The following LUC7L variants were observed in gnomAD, a reference collection of about 807,000 sequenced individuals.
LUC7L encodes the protein putative RNA-binding protein Luc7-like 1.
LUC7L carries 29 observed loss-of-function variants against 51.1 expected under a neutral mutation model. The observed-to-expected ratio is 0.57, with a 90% confidence interval of 0.42 to 0.77. The LOEUF (loss-of-function observed/expected upper bound fraction) is 0.77. Among genes scored for constraint, LUC7L ranks in the 30% least tolerant of loss-of-function variants. The probability of loss-of-function intolerance (pLI) is 0.00; values close to 1 mark genes in which losing one functional copy is unlikely to be tolerated. For synonymous variants in LUC7L, 181 were observed against 180.7 expected, an observed-to-expected ratio of 1.00 and a Z score of -0.01; for missense variants, 403 against 511.9, an observed-to-expected ratio of 0.79 and a Z score of 2.05.
chr16:190,317 T>C (rs925523561), intron 8 of LUC7L, among the ~76,000 whole-genome samples, 182 bp from the exon 9 acceptor site: 3 of 152,022 alleles, frequency 2.0e-5, no homozygotes, highest in African/African-American at 7.2e-5. Context: ...TGAGGTCTCC[T>C]GAAAACATGT....
At chr16:190,375 T>A (rs2048980443) in intron 8 of LUC7L, among the ~76,000 whole-genome samples, 166 bp downstream of exon 8, 1 of 151,914 alleles carries the variant, frequency 6.6e-6, no homozygotes, top group African/African-American at 2.4e-5. Context: ...TCCCTCTCAT[T>A]AACACTGGGA....
chr16:189,451 A>C, intron 9 of LUC7L, 112 bp from the exon 10 acceptor site: 2 of 1,436,696 alleles, frequency 1.4e-6, no homozygotes, highest in Non-Finnish European at 1.8e-6. Flanking sequence ...TACATCCCCT[A>C]TACCTGGAAA....
intron 2 of LUC7L, among the ~76,000 whole-genome samples, chr16:223,315 C>T (rs1266961686): frequency 6.6e-6 from 1 of 152,000 alleles, no homozygotes; most frequent in Non-Finnish European, 1.5e-5. Flanking sequence ...CACCACTGCA[C>T]TCCAGCCTGA....
At chr16:226,285 AT>A (rs1374527797) in intron 2 of LUC7L, among the ~76,000 whole-genome samples, 5 of 152,176 alleles carry the variant, frequency 3.3e-5, no homozygotes, top group African/African-American at 1.2e-4. Flanking sequence ...ACATATGCAC[AT>A]TTCATCCTTA....
At chr16:205,413 T>C (rs2049453641) in intron 5 of LUC7L, among the ~76,000 whole-genome samples, 1 of 152,178 alleles carries the variant, frequency 6.6e-6, no homozygotes, top group Non-Finnish European at 1.5e-5. Flanking sequence ...ATTTTATGTA[T>C]TCATGACATA....
chr16:197,019 T>C (rs754578783), intron 6 of LUC7L, among the ~76,000 whole-genome samples: 6 of 150,938 alleles, frequency 4.0e-5, no homozygotes, highest in Middle Eastern at 3.4e-3. Flanking sequence ...ACCATTCTCC[T>C]GCCTCGGCCT....
At chr16:213,394 A>AT (rs113722479) in intron 3 of LUC7L, among the ~76,000 whole-genome samples, 87 of 149,376 alleles carry the variant, frequency 5.8e-4, no homozygotes, top group African/African-American at 9.1e-4. Flanking sequence ...AAGGCCCACA[A>AT]TTTTTTTTTT....
At chr16:215,741 G>A (rs1243276908) in intron 3 of LUC7L, among the ~76,000 whole-genome samples, 2 of 151,802 alleles carry the variant, frequency 1.3e-5, no homozygotes, top group Non-Finnish European at 2.9e-5. Flanking sequence ...AGGCAGAGAT[G>A]GCAGTGAGCC....
chr16:201,233 C>T (rs1194240936), intron 5 of LUC7L, among the ~76,000 whole-genome samples: 10 of 92,530 alleles, frequency 1.1e-4, no homozygotes, highest in Non-Finnish European at 1.8e-4. Flanking sequence ...TTATAGTATG[C>T]TACATAACTA....
At chr16:208,668 A>G (rs1384407346) in intron 3 of LUC7L, 4 of 983,276 alleles carry the variant, frequency 4.1e-6, no homozygotes, top group Non-Finnish European at 4.8e-6. Flanking sequence ...CTTTCACCTC[A>G]AAAACAAAAC....
intron 7 of LUC7L, 25 bp downstream of exon 7, chr16:192,902 A>G (rs1345437204): frequency 5.0e-6 from 8 of 1,597,824 alleles, no homozygotes; most frequent in Non-Finnish European, 6.8e-6. Context: ...AATGCAGGCC[A>G]TCCAGTGCCA....
intron 2 of LUC7L, among the ~76,000 whole-genome samples, chr16:223,010 A>G (rs1596681738): frequency 6.7e-6 from 1 of 149,976 alleles, no homozygotes; most frequent in African/African-American, 2.5e-5. Flanking sequence ...CTTGAGGGGG[A>G]AAAAAATAGA....
At chr16:228,927 G>C (rs1353767934) in intron 1 of LUC7L, 1 of 1,376,440 alleles carries the variant, frequency 7.3e-7, no homozygotes, top group Non-Finnish European at 9.6e-7. Context: ...CCGGCTGCCA[G>C]CGACCTGGAG....
rs143077701 is a variant in LUC7L, at chr16:194,182, G to A, written c.688-1167C>T. On this transcript the variant is annotated intron_variant, in intron 6 of 9. Coordinates refer to ENST00000293872, the MANE Select transcript of LUC7L (RefSeq NM_201412.3). The stretch of plus-strand genomic sequence containing the variant: ...GCAGTGGCGCAATCACAGCTCACCG[G>A]AGCCTTGACCTCCCAGGCTCAAGCA... Among the ~76,000 whole-genome samples, 1,367 of 152,156 alleles carry A rather than the reference G, an allele frequency of 9.0e-3. 16 individuals carry two copies. Among genetic ancestry groups the A allele is most frequent in the African/African-American group, 0.032 (1,314 of 41,520 alleles).
Position 227,336 on chromosome 16 carries a change from C to G in LUC7L, c.62G>C (p.Gly21Ala). Residue 21 changes from glycine (G) to alanine (A), a missense_variant and splice_region_variant, in exon 2 of 10, where the codon GGA (glycine) becomes GCA (alanine). Gly to Ala is a moderately conservative substitution (Grantham distance 60). This residue lies in a region of LUC7L where 182 missense variants were observed against 248.4 expected (regional missense o/e 0.73). Coordinates refer to ENST00000293872, the MANE Select transcript of LUC7L (RefSeq NM_201412.3). Reference sequence around the variant, plus strand: ...CTTGACCCTCTGTCTGGTTTCGTCTCCTGAAATTCATTTGTGGTTTTAAAT... The same window carrying G: ...CTTGACCCTCTGTCTGGTTTCGTCTGCTGAAATTCATTTGTGGTTTTAAAT... The part of the protein sequence containing the change: ...LDQLMGTARD[G>A]DETRQRVKFT... 1 of 1,604,000 alleles carries G rather than the reference C, an allele frequency of 6.2e-7. No homozygotes were observed. Among genetic ancestry groups the G allele is most frequent in the Non-Finnish European group, 8.5e-7 (1 of 1,173,938 alleles).
chr16:211,920 G>T (rs1047446278), intron 3 of LUC7L, among the ~76,000 whole-genome samples: 3 of 152,146 alleles, frequency 2.0e-5, no homozygotes, highest in African/African-American at 7.2e-5. Context: ...CCTGAGAAAA[G>T]CCCATGATGT....
chr16:195,469 G>A (rs765404916), intron 6 of LUC7L, among the ~76,000 whole-genome samples: 2 of 152,134 alleles, frequency 1.3e-5, no homozygotes, highest in African/African-American at 2.4e-5. Flanking sequence ...TGTTGTCTAG[G>A]TTGGAGTGTA....
chr16:190,110 T>A lies in LUC7L; in HGVS notation c.832A>T (p.Arg278Trp). The A allele has an allele frequency of 6.2e-7, 1 of 1,612,148 alleles. No homozygotes were observed. The highest frequency in any genetic ancestry group is 1.1e-5 in the South Asian group (1 of 91,058). Residue 278 changes from arginine to tryptophan, a missense_variant, in exon 9 of 10, where the codon AGG becomes TGG. This residue lies in a region of LUC7L where 206 missense variants were observed against 218.3 expected (regional missense o/e 0.94). Transcript: ENST00000293872. The stretch of plus-strand genomic sequence containing the variant: ...TCTCGGGAGGTAGATCTTGACCGCC[T>A]CCGACGCCGATCCCGGGAGCGTGAC... ...RRSRSRDRRR[R>W]RSRSTSRERR...
In LUC7L at chr16:189,043, A is replaced by C; in HGVS notation, c.*155T>G. The C allele has an allele frequency of 2.5e-6, 2 of 812,846 alleles. No individual in the cohort carries two copies. Among genetic ancestry groups the C allele is most frequent in the Non-Finnish European group, 3.9e-6 (2 of 519,432 alleles). 50.4% of individuals were successfully genotyped at this position (812,846 alleles called of 1,614,324 possible). A position where few individuals can be genotyped will look rare whatever the true frequency, so the allele number is the denominator to read the frequency against. On this transcript the variant is annotated 3_prime_UTR_variant, in exon 10 of 10. Coordinates refer to ENST00000293872, the MANE Select transcript of LUC7L (RefSeq NM_201412.3). ...CCTACTCAACATGACCCGGGAACAC[A>C]GGAGCAACTCTGTACACTTCTAGAA...
Sources: allele counts gnomAD v4.1 joint callset (sites outside exome capture counted in the v4.1 genomes callset), GRCh38; gene constraint gnomAD v4.1.1; regional missense constraint gnomAD v4.1.1; transcripts MANE v1.5; gene names NCBI Gene and HGNC (gene_info 2026-07-23, HGNC 2026-07-21).